The following ATF6 variants were observed in gnomAD, a reference collection of about 807,000 sequenced individuals.
ATF6 encodes cyclic AMP-dependent transcription factor ATF-6 alpha.
ATF6 carries 53 observed loss-of-function variants against 83.6 expected under a neutral mutation model. The observed-to-expected ratio is 0.63, with a 90% CI of 0.51 to 0.80. The LOEUF is 0.80. Among genes scored for constraint, ATF6 ranks in the 30% least tolerant of loss-of-function variants. ATF6 has a pLI of 0.00. For missense variants in ATF6, 744 were observed against 797.9 expected, an observed-to-expected ratio of 0.93 and a Z score of 0.81; for synonymous variants, 288 against 285.8, an observed-to-expected ratio of 1.01 and a Z score of -0.08.
intron 14 of ATF6, among the ~76,000 whole-genome samples, chr1:161,877,728 A>G (rs1687245194): frequency 6.6e-6 from 1 of 152,170 alleles, no homozygotes; most frequent in East Asian, 1.9e-4. Context: ...GAGACCTATT[A>G]ACAGTAGGAG....
intron 14 of ATF6, among the ~76,000 whole-genome samples, chr1:161,877,120 G>C (rs187917041): frequency 6.6e-6 from 1 of 152,010 alleles, no homozygotes; most frequent in East Asian, 1.9e-4. Context: ...TCTACTACTA[G>C]ATCATAGAAG....
In ATF6 at chr1:161,883,330, C is replaced by T. The variant is rs17409485; in HGVS notation, c.1719+20018C>T. Among the ~76,000 whole-genome samples the T allele has an allele frequency of 9.9e-3, 1,501 of 152,084 alleles. 8 individuals are homozygous for T. The highest frequency in any genetic ancestry group is 0.017 in the South Asian group (83 of 4,824). ...TATAATCTCTTCTAATAATCTTTAG[C>T]AAAAGTGACTTTTGAGTTCTTTTAA... On this transcript the variant is annotated intron_variant, in intron 14 of 15. Transcript: ENST00000367942.
In ATF6 at chr1:161,960,922, A is replaced by T. The variant is rs144445042; in HGVS notation, c.*2268A>T. 6.6e-6 allele frequency: 1 copy of T among 152,286 alleles called. No homozygotes were observed. The highest frequency in any genetic ancestry group is 2.4e-5 in the African/African-American group (1 of 41,548). The allele number at this position is 152,286 out of a possible 1,614,324, so 9.4% of individuals were successfully genotyped here. A position where few individuals can be genotyped will look rare whatever the true frequency, so the allele number is the denominator to read the frequency against. On this transcript the variant is annotated 3_prime_UTR_variant, in exon 16 of 16. Transcript: ENST00000367942. Reference sequence around the variant, plus strand: ...CAGTGGCAACATAGTCATCCCCAAGATGCTAATCTTCTGCTGGAACTGTCA... The same window carrying T: ...CAGTGGCAACATAGTCATCCCCAAGTTGCTAATCTTCTGCTGGAACTGTCA...
intron 3 of ATF6, among the ~76,000 whole-genome samples, chr1:161,783,134 A>G (rs936546212): frequency 6.6e-6 from 1 of 152,182 alleles, no homozygotes; most frequent in African/African-American, 2.4e-5. Context: ...GGGTAGTCAG[A>G]CTTCAAAGGC....
At chr1:161,920,205 T>C (rs1204862619) in intron 15 of ATF6, among the ~76,000 whole-genome samples, 1 of 151,720 alleles carries the variant, frequency 6.6e-6, no homozygotes, top group Non-Finnish European at 1.5e-5. Flanking sequence ...TATAATTGCA[T>C]CCAGACAGTT....
At chr1:161,806,345 G>A (rs944803922) in intron 7 of ATF6, among the ~76,000 whole-genome samples, 7 of 152,094 alleles carry the variant, frequency 4.6e-5, no homozygotes, top group Admixed American at 1.3e-4. Flanking sequence ...CATCATAATC[G>A]CATAAACTTT....
intron 15 of ATF6, among the ~76,000 whole-genome samples, chr1:161,920,294 C>CTCTTTTTTTTTTTTTTTTTTTTTTTTTTT: frequency 1.8e-5 from 1 of 54,846 alleles, no homozygotes; most frequent in Non-Finnish European, 3.3e-5. Flanking sequence ...CTCTCTCTCT[C>CTCTTTTTTTTTTTTTTTTTTTTTTTTTTT]TTTTTTTTTT....
At chr1:161,820,409 A>G (rs1685724561) in intron 8 of ATF6, among the ~76,000 whole-genome samples, 1 of 152,202 alleles carries the variant, frequency 6.6e-6, no homozygotes. Context: ...TAGGGAGGCA[A>G]ACTATAGAAG....
At chr1:161,796,921 TG>T (rs201718366) in intron 6 of ATF6, among the ~76,000 whole-genome samples, 3 of 148,156 alleles carry the variant, frequency 2.0e-5, no homozygotes, top group South Asian at 4.2e-4. Flanking sequence ...TCTTGTTTTT[TG>T]GTTTTTTTTT....
chr1:161,917,342 A>G (rs1190679979), intron 15 of ATF6, among the ~76,000 whole-genome samples: 1 of 152,126 alleles, frequency 6.6e-6, no homozygotes, highest in Admixed American at 6.6e-5. Context: ...TGGGGATGGG[A>G]CCCAAGTCTA....
At chr1:161,827,487 G>C (rs1183000071) in intron 9 of ATF6, among the ~76,000 whole-genome samples, 2 of 152,112 alleles carry the variant, frequency 1.3e-5, no homozygotes, top group African/African-American at 4.8e-5. Flanking sequence ...AATTAAGTTT[G>C]TCAGACAAAT....
intron 9 of ATF6, among the ~76,000 whole-genome samples, chr1:161,830,200 TG>T (rs1686017763): frequency 6.6e-6 from 1 of 152,210 alleles, no homozygotes; most frequent in African/African-American, 2.4e-5. Flanking sequence ...CATTCACAAT[TG>T]CTTCAAAGAG....
intron 1 of ATF6, among the ~76,000 whole-genome samples, chr1:161,768,917 A>G (rs1357483234): frequency 2.6e-5 from 4 of 152,130 alleles, no homozygotes; most frequent in Non-Finnish European, 4.4e-5. Flanking sequence ...TAAAAATCAG[A>G]TTATGTAATT....
chr1:161,945,390 T>C (rs1688728831), intron 15 of ATF6, among the ~76,000 whole-genome samples: 1 of 152,196 alleles, frequency 6.6e-6, no homozygotes, highest in South Asian at 2.1e-4. Flanking sequence ...CTTTTATATA[T>C]CTGCACTTGG....
At chr1:161,877,804 A>T (rs1480335880) in intron 14 of ATF6, among the ~76,000 whole-genome samples, 1 of 152,146 alleles carries the variant, frequency 6.6e-6, no homozygotes, top group Non-Finnish European at 1.5e-5. Context: ...TGATGGCAGC[A>T]AAGTGATGAA....
At chr1:161,842,766 AAAAG>A (rs1490039656) in intron 9 of ATF6, among the ~76,000 whole-genome samples, 1 of 152,238 alleles carries the variant, frequency 6.6e-6, no homozygotes, top group Non-Finnish European at 1.5e-5. Flanking sequence ...AAATTTTAAA[AAAAG>A]ATAATTATTA....
intron 7 of ATF6, among the ~76,000 whole-genome samples, chr1:161,807,517 A>C (rs570415728): frequency 3.2e-4 from 49 of 152,350 alleles, no homozygotes; most frequent in African/African-American, 1.1e-3. Context: ...CAAATCCAAT[A>C]GGAAGGATTT....
At chr1:161,875,400 T>C (rs946914130) in intron 14 of ATF6, among the ~76,000 whole-genome samples, 2 of 151,966 alleles carry the variant, frequency 1.3e-5, no homozygotes, top group East Asian at 3.9e-4. Flanking sequence ...CATCATACAT[T>C]GGTCATTTGA....
At chr1:161,912,451 A>G (rs888104176) in intron 15 of ATF6, 71 bp downstream of exon 15, 60 of 1,000,176 alleles carry the variant, frequency 6.0e-5, no homozygotes, top group Non-Finnish European at 8.6e-5. Context: ...TCATTAGTTC[A>G]AAGACATTTA....
Sources: allele counts gnomAD v4.1 joint callset (sites outside exome capture counted in the v4.1 genomes callset), GRCh38; gene constraint gnomAD v4.1.1; transcripts MANE v1.5; gene names NCBI Gene and HGNC (gene_info 2026-07-23, HGNC 2026-07-21).